EHMT1: variants seen among roughly 807,000 people sequenced by gnomAD.
EHMT1 encodes the protein euchromatic histone lysine methyltransferase 1, also known as histone-lysine N-methyltransferase EHMT1.
Under a neutral mutation model 147.2 loss-of-function variants are expected in EHMT1, and 15 were observed. The ratio of observed to expected loss-of-function variants is 0.10; its 90% CI spans 0.07 to 0.16. The LOEUF (loss-of-function observed/expected upper bound fraction) is 0.16. Among genes scored for constraint, EHMT1 ranks in the 10% least tolerant of loss-of-function variants. EHMT1 has a pLI of 1.00. For missense variants in EHMT1, 1,587 were observed against 1,772.4 expected (o/e 0.90, Z 1.88); for synonymous variants, 795 against 709.6 (o/e 1.12, Z -1.91).
At chr9:137,721,572 TCTCCC>T (rs1946052444) in intron 3 of EHMT1, among the ~76,000 whole-genome samples, 1 of 123,740 alleles carries the variant, frequency 8.1e-6, no homozygotes, top group African/African-American at 3.2e-5. Flanking sequence ...CCTCTCATCC[TCTCCC>T]TCTCCCACGC....
chr9:137,686,229 G>T (rs1942413966), intron 1 of EHMT1, among the ~76,000 whole-genome samples: 1 of 151,920 alleles, frequency 6.6e-6, no homozygotes, highest in African/African-American at 2.4e-5. Context: ...CAATTTATCT[G>T]TTTTTTCTTT....
chr9:137,833,734 G>A (rs935573718), intron 25 of EHMT1, among the ~76,000 whole-genome samples: 2 of 152,372 alleles, frequency 1.3e-5, no homozygotes, highest in South Asian at 2.1e-4. Context: ...GGGTGAGGAG[G>A]ACGCCTCAGT....
At chr9:137,761,627 AT>A (rs112611649) in intron 9 of EHMT1, among the ~76,000 whole-genome samples, 2,034 of 145,266 alleles carry the variant, frequency 0.014, 44 homozygotes, top group African/African-American at 0.046. Flanking sequence ...TAATTTTTGT[AT>A]TTTTTTTTTT....
chr9:137,689,968 G>A (rs1210299974), intron 1 of EHMT1, among the ~76,000 whole-genome samples: 2 of 152,218 alleles, frequency 1.3e-5, no homozygotes, highest in Admixed American at 6.5e-5. Context: ...GTGAACAGAA[G>A]CAGTGCACGC....
chr9:137,751,853 C>T (rs371696525), intron 6 of EHMT1, among the ~76,000 whole-genome samples: 2 of 152,154 alleles, frequency 1.3e-5, no homozygotes, highest in Non-Finnish European at 1.5e-5. Flanking sequence ...GTGGTGGCTC[C>T]GAGGATTGGA....
chr9:137,799,399 A>G (rs1953257331), intron 17 of EHMT1, among the ~76,000 whole-genome samples: 1 of 151,992 alleles, frequency 6.6e-6, no homozygotes. Context: ...CTTCCTGCTC[A>G]TTGTCCGTCT....
chr9:137,651,038 G>A (rs1220280662), intron 1 of EHMT1: 3 of 152,114 alleles, frequency 2.0e-5, no homozygotes, highest in Non-Finnish European at 2.9e-5. Context: ...TCCAGCCTGG[G>A]TAGGTGACAG....
intron 1 of EHMT1, among the ~76,000 whole-genome samples, chr9:137,669,654 G>T (rs1009751849): frequency 1.3e-5 from 2 of 150,492 alleles, no homozygotes; most frequent in African/African-American, 4.9e-5. Context: ...TGCTCTCTTC[G>T]GAGCATTCAT....
intron 10 of EHMT1, chr9:137,763,063 C>T (rs960641920): frequency 6.5e-6 from 4 of 614,658 alleles, no homozygotes; most frequent in Non-Finnish European, 1.1e-5. Flanking sequence ...ATGAAAATGG[C>T]CTGTTGTATT....
At chr9:137,792,727 G>C (rs1341915369) in intron 16 of EHMT1, among the ~76,000 whole-genome samples, 1 of 152,130 alleles carries the variant, frequency 6.6e-6, no homozygotes, top group Non-Finnish European at 1.5e-5. Flanking sequence ...AAACGTATGT[G>C]GATGAAAGGC....
intron 6 of EHMT1, among the ~76,000 whole-genome samples, chr9:137,751,503 T>C (rs1259359776): frequency 2.0e-5 from 3 of 151,924 alleles, no homozygotes; most frequent in African/African-American, 7.3e-5. Flanking sequence ...CACCGGGAAA[T>C]GCAGAGAATA....
At chr9:137,656,231 T>A (rs1938430330) in intron 1 of EHMT1, among the ~76,000 whole-genome samples, 1 of 151,972 alleles carries the variant, frequency 6.6e-6, no homozygotes, top group South Asian at 2.1e-4. Context: ...ATTATAAAAA[T>A]TAGCTGGGCA....
chr9:137,810,323 G>T (rs926837745), intron 18 of EHMT1, among the ~76,000 whole-genome samples: 1 of 152,276 alleles, frequency 6.6e-6, no homozygotes, highest in African/African-American at 2.4e-5. Flanking sequence ...CCAACTGGAG[G>T]AGGCCTCAGT....
intron 1 of EHMT1, among the ~76,000 whole-genome samples, chr9:137,702,376 G>A (rs1943911331): frequency 6.6e-6 from 1 of 152,190 alleles, no homozygotes; most frequent in Non-Finnish European, 1.5e-5. Flanking sequence ...CAGGCATTGG[G>A]TAAATGCTTC....
intron 1 of EHMT1, among the ~76,000 whole-genome samples, chr9:137,658,572 G>T (rs992401495): frequency 5.4e-5 from 8 of 148,238 alleles, no homozygotes; most frequent in Admixed American, 4.7e-4. Flanking sequence ...ATTATCTTTT[G>T]TTTTTTTTTA....
At chr9:137,834,281 C>G (rs370876278) in intron 25 of EHMT1, 68 bp from the exon 26 acceptor site, 2 of 1,590,516 alleles carry the variant, frequency 1.3e-6, no homozygotes, top group Non-Finnish European at 8.5e-7. Context: ...CATGCATGGC[C>G]GTACCCGGCG....
intron 1 of EHMT1, among the ~76,000 whole-genome samples, chr9:137,661,847 G>C (rs893070642): frequency 1.3e-5 from 2 of 151,870 alleles, no homozygotes; most frequent in African/African-American, 2.4e-5. Context: ...TTGTTGCCCA[G>C]GCCGGAGTGC....
chr9:137,815,703 C>G (rs913993246), intron 22 of EHMT1: 6 of 528,324 alleles, frequency 1.1e-5, no homozygotes, highest in African/African-American at 9.6e-5. Flanking sequence ...GAAGCTGGCC[C>G]CAGGCTGGGC....
At chr9:137,650,593 T>A (rs1349597433) in intron 1 of EHMT1, among the ~76,000 whole-genome samples, 1 of 152,158 alleles carries the variant, frequency 6.6e-6, no homozygotes, top group Non-Finnish European at 1.5e-5. Flanking sequence ...TTGGGTTGTC[T>A]TTTTATTAAT....
Sources: allele counts gnomAD v4.1 joint callset (sites outside exome capture counted in the v4.1 genomes callset), GRCh38; gene constraint gnomAD v4.1.1; transcripts MANE v1.5; gene names NCBI Gene and HGNC (gene_info 2026-07-23, HGNC 2026-07-21).